The following ARHGAP31 variants were observed in gnomAD, a reference collection of about 807,000 sequenced individuals.
ARHGAP31 encodes the protein Rho GTPase activating protein 31, also known as rho GTPase-activating protein 31.
Under a neutral mutation model 113.9 loss-of-function variants are expected in ARHGAP31, and 34 were observed. That is an observed-to-expected ratio of 0.30 (90% CI 0.23 to 0.40). The LOEUF is 0.40. ARHGAP31 is among the 10% of genes least tolerant of loss of function. ARHGAP31 has a pLI of 1.00. For missense variants in ARHGAP31, 1,548 were observed against 1,767.1 expected (o/e 0.88, Z 2.22); for synonymous variants, 650 against 684.8 (o/e 0.95, Z 0.79).
intron 1 of ARHGAP31, chr3:119,322,871 C>G (rs962739310): frequency 6.5e-6 from 1 of 153,362 alleles, no homozygotes; most frequent in African/African-American, 2.4e-5. Context: ...AAACTCGGCC[C>G]GGCCGCGGGG....
intron 1 of ARHGAP31, among the ~76,000 whole-genome samples, chr3:119,357,888 T>C (rs2080172159): frequency 6.6e-6 from 1 of 152,246 alleles, no homozygotes; most frequent in Non-Finnish European, 1.5e-5. Context: ...CATCACTCTT[T>C]ATGCATGTGC....
In ARHGAP31 at chr3:119,399,179, A is replaced by AT. The variant is rs377202519; in HGVS notation, c.1007-14dup. On this transcript the variant is annotated intron_variant, in intron 8 of 11. Transcript: ENST00000264245. ...CTGTTAATATGCATTCATCAAGGAT[A>AT]TTTTTTCTTTTGTCTTTAGTGGAAA... 1.9e-6 allele frequency: 3 copies of AT among 1,609,408 alleles called. No homozygotes were observed. Among genetic ancestry groups the AT allele is most frequent in the Admixed American group, 1.7e-5 (1 of 59,986 alleles).
chr3:119,392,035 A>G (rs145381138), intron 7 of ARHGAP31, among the ~76,000 whole-genome samples: 4 of 152,276 alleles, frequency 2.6e-5, no homozygotes, highest in Admixed American at 2.0e-4. Flanking sequence ...TCTCGGGTGC[A>G]CCATACCCAA....
At chr3:119,402,645 G>C (rs1266018370) in intron 10 of ARHGAP31, among the ~76,000 whole-genome samples, 1 of 152,130 alleles carries the variant, frequency 6.6e-6, no homozygotes, top group Non-Finnish European at 1.5e-5. Flanking sequence ...TCATAAGTTT[G>C]TTGTAAATAT....
intron 3 of ARHGAP31, among the ~76,000 whole-genome samples, chr3:119,374,311 T>C (rs992365792): frequency 5.3e-5 from 8 of 152,164 alleles, no homozygotes; most frequent in Non-Finnish European, 1.0e-4. Flanking sequence ...TGCTCTCTCG[T>C]GCTCACTCTC....
intron 1 of ARHGAP31, among the ~76,000 whole-genome samples, chr3:119,306,635 T>C (rs936731077): frequency 6.6e-6 from 1 of 152,204 alleles, no homozygotes; most frequent in South Asian, 2.1e-4. Flanking sequence ...TTCTACCGAA[T>C]GGGTTCCATA....
At chr3:119,346,554 T>C (rs866575988) in intron 1 of ARHGAP31, among the ~76,000 whole-genome samples, 4 of 152,254 alleles carry the variant, frequency 2.6e-5, no homozygotes, top group African/African-American at 9.6e-5. Context: ...CAGTGTCTTA[T>C]AAGTATAAGC....
intron 5 of ARHGAP31, 64 bp downstream of exon 5, chr3:119,382,463 G>T (rs912956554): frequency 2.0e-5 from 29 of 1,481,374 alleles, no homozygotes; most frequent in Non-Finnish European, 2.5e-5. Context: ...CGATTGAAAT[G>T]AAGATTGGAT....
At chr3:119,379,866 A>C (rs911905146) in intron 3 of ARHGAP31, among the ~76,000 whole-genome samples, 2 of 152,202 alleles carry the variant, frequency 1.3e-5, no homozygotes, top group Non-Finnish European at 2.9e-5. Context: ...CATGGACCTC[A>C]GGTTCAGGCA....
chr3:119,383,759 G>A (rs1577022411), intron 6 of ARHGAP31, among the ~76,000 whole-genome samples: 1 of 152,128 alleles, frequency 6.6e-6, no homozygotes, highest in East Asian at 1.9e-4. Context: ...CAGGCAGTAG[G>A]CATACAAAAA....
chr3:119,299,706 A>G (rs150457271), intron 1 of ARHGAP31, among the ~76,000 whole-genome samples: 1 of 152,382 alleles, frequency 6.6e-6, no homozygotes, highest in East Asian at 1.9e-4. Flanking sequence ...TCTAAGGGAT[A>G]TGAACAAACT....
In ARHGAP31 at chr3:119,332,157, T is replaced by A. The variant is rs372235877; in HGVS notation, c.101-33159T>A. Among the ~76,000 whole-genome samples, 15 of 152,218 alleles carry A rather than the reference T, an allele frequency of 9.9e-5. No individual in the cohort carries two copies. In the South Asian group the frequency reaches 3.1e-3, roughly 32 times the overall value. On this transcript the variant is annotated intron_variant, in intron 1 of 11. Coordinates refer to ENST00000264245, the MANE Select transcript of ARHGAP31 (RefSeq NM_020754.4). ...TTCAACCATTCTCCAAATGAGCTAGTGTTTAGGTCCTCTGGATTCCCTTTA... is the reference window on the plus strand; with the variant it reads ...TTCAACCATTCTCCAAATGAGCTAGAGTTTAGGTCCTCTGGATTCCCTTTA...
chr3:119,407,558 A>G lies in ARHGAP31; in HGVS notation c.1646-1938A>G, dbSNP rs191154155. Among the ~76,000 whole-genome samples the G allele has an allele frequency of 6.6e-5, 10 of 152,350 alleles. No homozygotes were observed. In the East Asian group the frequency reaches 1.7e-3, roughly 26 times the overall value. On this transcript the variant is annotated intron_variant, in intron 10 of 11. Coordinates refer to ENST00000264245, the MANE Select transcript of ARHGAP31 (RefSeq NM_020754.4). The stretch of plus-strand genomic sequence containing the variant: ...CAAGTATCTGTTTACATATGCAAAA[A>G]TAAACTCTGGCAGAATAAACCAATA...
rs2080785195 is a variant in ARHGAP31 at position 119,417,042 on chromosome 3, AC to A, written c.*779del. 1 of 152,518 alleles carries A rather than the reference AC, an allele frequency of 6.6e-6. No homozygotes were observed. The highest frequency in any genetic ancestry group is 1.5e-5 in the Non-Finnish European group (1 of 68,298). The allele number at this position is 152,518 out of a possible 1,614,324, so 9.4% of individuals were successfully genotyped here. ...ACTGTAATTTATAAATCCAGTAGCTACGCAGGGTGGAGGCTGGGCTGAGGAT... is the reference window on the plus strand; with the variant it reads ...ACTGTAATTTATAAATCCAGTAGCTAGCAGGGTGGAGGCTGGGCTGAGGAT... On this transcript the variant is annotated 3_prime_UTR_variant, in exon 12 of 12. Transcript: ENST00000264245.
chr3:119,384,161 T>C (rs2080427796), intron 6 of ARHGAP31, among the ~76,000 whole-genome samples: 1 of 152,188 alleles, frequency 6.6e-6, no homozygotes, highest in African/African-American at 2.4e-5. Context: ...AAAACAGATA[T>C]CAGAATAATC....
intron 6 of ARHGAP31, among the ~76,000 whole-genome samples, chr3:119,386,573 C>T (rs914036044): frequency 9.9e-5 from 15 of 152,194 alleles, no homozygotes; most frequent in African/African-American, 3.1e-4. Context: ...CAGTGGGTCT[C>T]TCCCTGTGTG....
At chr3:119,348,578 G>C (rs1488547414) in intron 1 of ARHGAP31, among the ~76,000 whole-genome samples, 1 of 152,200 alleles carries the variant, frequency 6.6e-6, no homozygotes, top group Non-Finnish European at 1.5e-5. Context: ...GGATTGTCAA[G>C]ATCTTGATAT....
Position 119,369,963 on chromosome 3 carries a change from A to C in ARHGAP31, c.348+1447A>C, listed in dbSNP as rs2080283168. ...GGAGAAATGAAGATTTAAAAAAAAAAGAAAAGAAAGAAAAAAATAGTCCAA... is the reference window on the plus strand; with the variant it reads ...GGAGAAATGAAGATTTAAAAAAAAACGAAAAGAAAGAAAAAAATAGTCCAA... On this transcript the variant is annotated intron_variant, in intron 3 of 11. Transcript: ENST00000264245. Among the ~76,000 whole-genome samples the C allele has an allele frequency of 2.6e-5, 4 of 151,898 alleles. No individual in the cohort carries two copies. In the South Asian group the frequency reaches 8.3e-4, roughly 32 times the overall value.
chr3:119,396,241 A>G (rs1247163951), intron 8 of ARHGAP31, among the ~76,000 whole-genome samples: 1 of 152,216 alleles, frequency 6.6e-6, no homozygotes, highest in Non-Finnish European at 1.5e-5. Context: ...AGAATCGCCC[A>G]CAGAGTGGAT....
Sources: allele counts gnomAD v4.1 joint callset (sites outside exome capture counted in the v4.1 genomes callset), GRCh38; gene constraint gnomAD v4.1.1; transcripts MANE v1.5; gene names NCBI Gene and HGNC (gene_info 2026-07-23, HGNC 2026-07-21).